Variants in ZFHX4 observed in about 807,000 individuals in gnomAD.
ZFHX4 encodes zinc finger homeobox protein 4.
A neutral mutation model predicts 267.6 loss-of-function variants in ZFHX4; 56 were observed. The observed-to-expected ratio is 0.21, with a 90% confidence interval of 0.17 to 0.26. The LOEUF is 0.26. Among genes scored for constraint, ZFHX4 ranks in the 10% least tolerant of loss-of-function variants. ZFHX4 has a pLI of 1.00. For missense variants in ZFHX4, 4,332 were observed against 4,420.0 expected (o/e 0.98, Z 0.56); for synonymous variants, 1,778 against 1,665.6 (o/e 1.07, Z -1.64).
intron 4 of ZFHX4, among the ~76,000 whole-genome samples, chr8:76,817,180 T>A (rs1585975657): frequency 6.6e-6 from 1 of 152,250 alleles, no homozygotes; most frequent in South Asian, 2.1e-4. Flanking sequence ...TTAAGGGTTA[T>A]AAAATAATTT....
At position 76,852,853 on chromosome 8, in the gene ZFHX4, C is replaced by A; in HGVS notation, c.5932C>A (p.Leu1978Ile). The change falls in exon 10 of 11, where the codon CTA becomes ATA. Residue 1978 changes from leucine (L) to isoleucine (I), a missense_variant. Leu to Ile is a conservative substitution (Grantham distance 5, BLOSUM62 2). Coordinates refer to ENST00000651372, the MANE Select transcript of ZFHX4 (RefSeq NM_024721.5). ...VHGQFFPYAA[L>I]EKFARQYREA... ...TGGGCAATTTTTTCCATATGCAGCG[C>A]TAGAAAAATTTGCTCGTCAATACAG... 1 of 1,613,834 alleles carries A rather than the reference C, an allele frequency of 6.2e-7. No homozygotes were observed. The highest frequency in any genetic ancestry group is 1.1e-5 in the South Asian group (1 of 91,044).
intron 4 of ZFHX4, among the ~76,000 whole-genome samples, chr8:76,790,493 A>G (rs1008991492): frequency 1.3e-5 from 2 of 152,124 alleles, no homozygotes; most frequent in Non-Finnish European, 2.9e-5. Context: ...CAAATATAAA[A>G]AGTAAAAATA....
At chr8:76,758,707 C>T (rs940409700) in intron 3 of ZFHX4, among the ~76,000 whole-genome samples, 2 of 152,080 alleles carry the variant, frequency 1.3e-5, no homozygotes, top group Admixed American at 6.6e-5. Flanking sequence ...GTTGCCTAGG[C>T]TGGTCTCGAA....
intron 6 of ZFHX4, among the ~76,000 whole-genome samples, chr8:76,848,410 G>A (rs890188305): frequency 1.3e-5 from 2 of 152,154 alleles, no homozygotes; most frequent in Non-Finnish European, 1.5e-5. Context: ...TGTACTAAAT[G>A]TTATATGTAC....
chr8:76,701,742 CT>C (rs1808108718), intron 1 of ZFHX4, among the ~76,000 whole-genome samples: 2 of 152,098 alleles, frequency 1.3e-5, no homozygotes, highest in African/African-American at 4.8e-5. Flanking sequence ...AGCTTAGAAA[CT>C]TTTTTACAAA....
rs10576780 is a variant in ZFHX4, at chr8:76,857,354, T to TTATATATA, written c.9379+1074_9379+1081dup. Among the ~76,000 whole-genome samples the TTATATATA allele has an allele frequency of 1.7e-3, 246 of 143,406 alleles. 1 individual carries two copies. Among genetic ancestry groups the TTATATATA allele is most frequent in the South Asian group, 3.1e-3 (14 of 4,572 alleles). The allele number at this position is 143,406 out of a possible 152,430, so 94.1% of individuals were successfully genotyped here. A position where few individuals can be genotyped will look rare whatever the true frequency, so the allele number is the denominator to read the frequency against. On this transcript the variant is annotated intron_variant, in intron 10 of 10. Coordinates refer to ENST00000651372, the MANE Select transcript of ZFHX4 (RefSeq NM_024721.5). ...AAGGGACATCTAGAATTCACTAATT[T>TTATATATA]TATATATATATATATATATATATAT...
At chr8:76,743,899 C>A (rs1051638209) in intron 3 of ZFHX4, among the ~76,000 whole-genome samples, 9 of 152,152 alleles carry the variant, frequency 5.9e-5, no homozygotes, top group African/African-American at 2.2e-4. Context: ...CCTAGTCAAA[C>A]TCTATTACTA....
chr8:76,857,500 C>G (rs1812764918), intron 10 of ZFHX4, among the ~76,000 whole-genome samples: 1 of 151,904 alleles, frequency 6.6e-6, no homozygotes, highest in Non-Finnish European at 1.5e-5. Context: ...CCACTGTGAT[C>G]TTAAGTTATT....
chr8:76,800,067 A>AGT lies in ZFHX4; in HGVS notation c.3325+21641_3325+21642dup, dbSNP rs142431243. ...GTGTGTCAGAAAGAGCGTGTGTGTGAGTGTGTGTGTGTGTTGTGGGGAGGG... is the reference window on the plus strand; with the variant it reads ...GTGTGTCAGAAAGAGCGTGTGTGTGAGTGTGTGTGTGTGTGTTGTGGGGAGGG... On this transcript the variant is annotated intron_variant, in intron 4 of 10. Transcript: ENST00000651372. 2.8e-3 allele frequency among the ~76,000 whole-genome samples: 430 copies of AGT among 151,236 alleles called. 3 individuals carry two copies. Among genetic ancestry groups the AGT allele is most frequent in the African/African-American group, 9.9e-3 (409 of 41,278 alleles).
intron 4 of ZFHX4, among the ~76,000 whole-genome samples, chr8:76,797,926 G>C (rs1055468216): frequency 2.6e-5 from 4 of 151,604 alleles, no homozygotes; most frequent in African/African-American, 4.8e-5. Context: ...GTGTCTGTGT[G>C]TCTGTGTGTA....
chr8:76,786,214 A>G (rs1810684979), intron 4 of ZFHX4, among the ~76,000 whole-genome samples: 1 of 152,000 alleles, frequency 6.6e-6, no homozygotes, highest in South Asian at 2.1e-4. Flanking sequence ...AGACGTTTTG[A>G]GACAGAACTT....
At chr8:76,824,862 C>A (rs1329491692) in intron 4 of ZFHX4, among the ~76,000 whole-genome samples, 1 of 152,072 alleles carries the variant, frequency 6.6e-6, no homozygotes. Flanking sequence ...TGAGTCACTG[C>A]GGGCCTCACT....
chr8:76,839,675 G>A (rs1812184671), intron 5 of ZFHX4, among the ~76,000 whole-genome samples: 1 of 152,116 alleles, frequency 6.6e-6, no homozygotes, highest in African/African-American at 2.4e-5. Flanking sequence ...GAGGCTTATT[G>A]ATGAAAATGA....
intron 4 of ZFHX4, among the ~76,000 whole-genome samples, chr8:76,810,274 G>C (rs942429357): frequency 3.3e-5 from 5 of 152,146 alleles, no homozygotes; most frequent in African/African-American, 1.2e-4. Flanking sequence ...GGTATCATTA[G>C]TTCATATGCA....
At chr8:76,697,217 TAGAC>T (rs1563465215) in intron 1 of ZFHX4, among the ~76,000 whole-genome samples, 1 of 152,018 alleles carries the variant, frequency 6.6e-6, no homozygotes, top group African/African-American at 2.4e-5. Flanking sequence ...CATATATGAA[TAGAC>T]AAAGGAGAAA....
chr8:76,857,244 C>CATG (rs1179127656), intron 10 of ZFHX4, among the ~76,000 whole-genome samples: 13 of 151,558 alleles, frequency 8.6e-5, no homozygotes, highest in Non-Finnish European at 2.9e-5. Context: ...AATAGGAAAA[C>CATG]ATGGTTCTTT....
At chr8:76,744,864 C>T (rs1247440563) in intron 3 of ZFHX4, among the ~76,000 whole-genome samples, 1 of 152,224 alleles carries the variant, frequency 6.6e-6, no homozygotes, top group South Asian at 2.1e-4. Context: ...ATTCAGTATA[C>T]GTCCTGTGCT....
At chr8:76,766,705 G>A (rs533706237) in intron 3 of ZFHX4, among the ~76,000 whole-genome samples, 108 of 151,736 alleles carry the variant, frequency 7.1e-4, no homozygotes, top group African/African-American at 2.6e-3. Context: ...AGGCTAGCAG[G>A]TAAAATAATA....
chr8:76,683,637 A>T (rs1807610473), intron 1 of ZFHX4: 1 of 137,168 alleles, frequency 7.3e-6, no homozygotes, highest in East Asian at 2.3e-4. Flanking sequence ...AGAGGAAGAG[A>T]GAGAGGGGGG....
Sources: allele counts gnomAD v4.1 joint callset (sites outside exome capture counted in the v4.1 genomes callset), GRCh38; gene constraint gnomAD v4.1.1; transcripts MANE v1.5; gene names NCBI Gene and HGNC (gene_info 2026-07-23, HGNC 2026-07-21).